GPC6: variants seen among roughly 807,000 people sequenced by gnomAD.
GPC6 encodes glypican-6.
GPC6 carries 14 observed loss-of-function variants against 55.2 expected under a neutral mutation model. That is an observed-to-expected ratio of 0.25 (90% confidence interval 0.17 to 0.40). The LOEUF is 0.40. GPC6 is among the 10% of genes least tolerant of loss of function. GPC6 has a pLI of 1.00. For missense variants in GPC6, 641 were observed against 708.5 expected (o/e 0.90, Z 1.08); for synonymous variants, 278 against 259.6 (o/e 1.07, Z -0.68).
At chr13:94,328,942 G>A (rs1412226540) in intron 6 of GPC6, among the ~76,000 whole-genome samples, 2 of 152,218 alleles carry the variant, frequency 1.3e-5, no homozygotes, top group African/African-American at 2.4e-5. Flanking sequence ...GTAAGCTTCT[G>A]TGTGAGTGTG....
intron 3 of GPC6, among the ~76,000 whole-genome samples, chr13:94,015,898 A>T (rs1414557009): frequency 6.6e-6 from 1 of 152,166 alleles, no homozygotes; most frequent in African/African-American, 2.4e-5. Context: ...CATTGTTGCT[A>T]TTTTACAAAA....
At chr13:94,401,438 G>A (rs1881123215) in intron 8 of GPC6, among the ~76,000 whole-genome samples, 1 of 152,102 alleles carries the variant, frequency 6.6e-6, no homozygotes, top group South Asian at 2.1e-4. Flanking sequence ...AAGGAATCAA[G>A]CCTTGAGAAG....
chr13:93,557,794 A>G (rs952941684), intron 2 of GPC6, among the ~76,000 whole-genome samples: 3 of 152,220 alleles, frequency 2.0e-5, no homozygotes, highest in African/African-American at 7.2e-5. Context: ...TTTAACTAAT[A>G]TAAGTTTTAT....
chr13:94,337,340 T>G (rs1456725244), intron 6 of GPC6, among the ~76,000 whole-genome samples: 3 of 152,204 alleles, frequency 2.0e-5, no homozygotes, highest in African/African-American at 7.2e-5. Context: ...AAATTTTATT[T>G]CATCTAAATT....
At chr13:94,384,451 G>A (rs993891968) in intron 7 of GPC6, among the ~76,000 whole-genome samples, 2 of 152,122 alleles carry the variant, frequency 1.3e-5, no homozygotes, top group African/African-American at 4.8e-5. Flanking sequence ...TTTAAGCCTT[G>A]GCTAACATAA....
At chr13:93,815,209 A>G (rs1295102009) in intron 2 of GPC6, among the ~76,000 whole-genome samples, 4 of 152,254 alleles carry the variant, frequency 2.6e-5, no homozygotes, top group African/African-American at 9.6e-5. Context: ...ATAACATACA[A>G]CTAATAACAA....
At chr13:93,952,415 GA>G (rs908316967) in intron 3 of GPC6, among the ~76,000 whole-genome samples, 2 of 151,980 alleles carry the variant, frequency 1.3e-5, no homozygotes, top group South Asian at 2.1e-4. Context: ...CCAGAATTGT[GA>G]AAAATGTATA....
chr13:93,266,483 C>T (rs1320295817), intron 1 of GPC6, among the ~76,000 whole-genome samples: 3 of 151,990 alleles, frequency 2.0e-5, no homozygotes, highest in Admixed American at 1.3e-4. Flanking sequence ...AGGTTGAGTT[C>T]GTAAGACCCA....
At position 93,760,129 on chromosome 13, in the gene GPC6, AAAGCTAAG is replaced by A. The variant is rs1480246048; in HGVS notation, c.320-70022_320-70015del. Among the ~76,000 whole-genome samples, 6 of 152,278 alleles carry A rather than the reference AAAGCTAAG, an allele frequency of 3.9e-5. No individual in the cohort carries two copies. In the South Asian group the frequency reaches 1.2e-3, roughly 32 times the overall value. On this transcript the variant is annotated intron_variant, in intron 2 of 8. Coordinates refer to ENST00000377047, the MANE Select transcript of GPC6 (RefSeq NM_005708.5). ...TATTAATGAAATTGATTTTTTACAG[AAAGCTAAG>A]AAATAGGTGGTACTGTGTATGATTC...
chr13:94,379,211 A>G lies in GPC6; in HGVS notation c.1153-3203A>G, dbSNP rs142177324. 1.6e-3 allele frequency among the ~76,000 whole-genome samples: 237 copies of G among 152,372 alleles called. 1 individual carries two copies. Among genetic ancestry groups the G allele is most frequent in the African/African-American group, 5.5e-3 (228 of 41,594 alleles). On this transcript the variant is annotated intron_variant, in intron 6 of 8. Transcript: ENST00000377047. ...TCCTGATATTGAAAAATAAACTGCC[A>G]TCATTCAGATATAAATGAATCAAAG...
At chr13:93,437,390 G>A (rs368306090) in intron 1 of GPC6, among the ~76,000 whole-genome samples, 5 of 152,260 alleles carry the variant, frequency 3.3e-5, no homozygotes, top group Middle Eastern at 3.4e-3. Context: ...GACCTCTTGC[G>A]CCAAACAGTT....
chr13:93,767,083 T>A (rs558846361), intron 2 of GPC6, among the ~76,000 whole-genome samples: 2 of 152,312 alleles, frequency 1.3e-5, no homozygotes, highest in South Asian at 4.1e-4. Flanking sequence ...AACATTAATC[T>A]TCAGTGACAT....
chr13:93,482,123 T>G (rs1485215506), intron 1 of GPC6, among the ~76,000 whole-genome samples: 4 of 152,160 alleles, frequency 2.6e-5, no homozygotes, highest in Non-Finnish European at 4.4e-5. Context: ...CCTCTTACAC[T>G]TCTTTCGTTA....
chr13:93,484,369 A>G (rs1001663599), intron 1 of GPC6, among the ~76,000 whole-genome samples: 3 of 152,178 alleles, frequency 2.0e-5, no homozygotes, highest in South Asian at 2.1e-4. Flanking sequence ...ACCTTATGCA[A>G]ATTGTCTCAC....
intron 1 of GPC6, among the ~76,000 whole-genome samples, chr13:93,482,563 G>T (rs895871083): frequency 2.0e-5 from 3 of 152,064 alleles, no homozygotes; most frequent in African/African-American, 7.2e-5. Flanking sequence ...AAGAAATAAA[G>T]TTAAATTTAG....
intron 2 of GPC6, among the ~76,000 whole-genome samples, chr13:93,548,232 G>A (rs1449182256): frequency 6.6e-6 from 1 of 152,080 alleles, no homozygotes; most frequent in Admixed American, 6.6e-5. Context: ...CTCTGTTTCT[G>A]CTTTCTCAGA....
chr13:93,408,963 G>A (rs1016925881), intron 1 of GPC6, among the ~76,000 whole-genome samples: 1 of 151,880 alleles, frequency 6.6e-6, no homozygotes, highest in Non-Finnish European at 1.5e-5. Context: ...TGATGATGGA[G>A]TTTTACTTAT....
intron 2 of GPC6, among the ~76,000 whole-genome samples, chr13:93,559,444 A>G (rs1458079761): frequency 6.6e-6 from 1 of 152,200 alleles, no homozygotes; most frequent in Non-Finnish European, 1.5e-5. Flanking sequence ...TGGGCACATG[A>G]TTGATGATAA....
intron 2 of GPC6, among the ~76,000 whole-genome samples, chr13:93,618,593 T>G (rs915050232): frequency 2.6e-5 from 4 of 152,116 alleles, no homozygotes; most frequent in African/African-American, 9.7e-5. Context: ...AATTACACTT[T>G]GGATGGAAGA....
Sources: gnomAD v4.1 joint callset for allele counts (sites outside exome capture counted in the v4.1 genomes callset) on GRCh38, gnomAD v4.1.1 for gene constraint, MANE v1.5 for transcripts, NCBI Gene and HGNC (gene_info 2026-07-23, HGNC 2026-07-21) for gene names.